Variants in ITPR3 observed in about 807,000 individuals in gnomAD.
ITPR3 encodes the protein inositol 1,4,5-trisphosphate-gated calcium channel ITPR3.
ITPR3 carries 173 observed loss-of-function variants against 293.2 expected under a neutral mutation model. That is an observed-to-expected ratio of 0.59 (90% CI 0.52 to 0.67). ITPR3 has a LOEUF of 0.67. Among genes scored for constraint, ITPR3 ranks in the 30% least tolerant of loss-of-function variants. The pLI, the probability that ITPR3 is intolerant of heterozygous loss-of-function variation, is 0.00. For missense variants in ITPR3, 2,796 were observed against 3,592.1 expected (o/e 0.78, Z 5.66); for synonymous variants, 1,295 against 1,444.4 (o/e 0.90, Z 2.35).
intron 8 of ITPR3, 66 bp downstream of exon 8, chr6:33,662,740 C>A: frequency 6.3e-7 from 1 of 1,584,386 alleles, no homozygotes; most frequent in Non-Finnish European, 8.6e-7. Context: ...CTCTTCCCCA[C>A]CATCCTGGAG....
intron 16 of ITPR3, 43 bp from the exon 17 acceptor site, chr6:33,668,472 G>A (rs1389590251): frequency 1.9e-6 from 3 of 1,613,280 alleles, no homozygotes; most frequent in African/African-American, 1.3e-5. Context: ...AGAGGGACCA[G>A]CCTCTGAGAC....
At chr6:33,678,579 G>T in intron 29 of ITPR3, 36 bp downstream of exon 29, 1 of 1,559,950 alleles carries the variant, frequency 6.4e-7, no homozygotes, top group East Asian at 2.4e-5. Context: ...TGGACGAGGC[G>T]GGGGATGGGG....
chr6:33,665,016 T>TGACCCC, intron 12 of ITPR3, 37 bp from the exon 13 acceptor site: 3 of 1,613,552 alleles, frequency 1.9e-6, no homozygotes, highest in Non-Finnish European at 2.5e-6. Flanking sequence ...GGGCCGGAGC[T>TGACCCC]TGTTCCCAGG....
intron 6 of ITPR3, 72 bp downstream of exon 6, chr6:33,659,191 C>A: frequency 7.2e-7 from 1 of 1,387,318 alleles, no homozygotes; most frequent in South Asian, 1.2e-5. Flanking sequence ...ACACCCCGCT[C>A]CCTGCCATGG....
At chr6:33,653,480 G>A (rs746592224) in intron 2 of ITPR3, among the ~76,000 whole-genome samples, 2 of 152,062 alleles carry the variant, frequency 1.3e-5, no homozygotes, top group Admixed American at 6.5e-5. Context: ...CATGAGTGAT[G>A]TATTTTCTGA....
Position 33,692,046 on chromosome 6 carries a change from CG to C in ITPR3, c.7458+119del. 7.3e-7 allele frequency: 1 copy of C among 1,361,174 alleles called. No homozygotes were observed. Among genetic ancestry groups the C allele is most frequent in the East Asian group, 2.3e-5 (1 of 43,208 alleles). 84.3% of individuals were successfully genotyped at this position (1,361,174 alleles called of 1,614,324 possible). On this transcript the variant is annotated intron_variant, in intron 54 of 57. Transcript: ENST00000605930. The surrounding 1 kb of genome is among the most constrained non-coding windows in gnomAD (Gnocchi z 4.2). ...ATATTCAGGGTTGAACCCCCTCCCC[CG>C]AACTTGTATCCACTTTTCCCTGCTT... is the stretch of plus-strand genomic sequence containing the variant.
chr6:33,678,807 G>A lies in ITPR3; in HGVS notation c.3940G>A (p.Val1314Ile), dbSNP rs139994078. 2.8e-5 allele frequency: 45 copies of A among 1,613,292 alleles called. No individual in the cohort carries two copies. In the Admixed American group the frequency reaches 5.8e-4, roughly 21 times the overall value. ...HTVIKAEGKY[V>I]KKCQDMIMTE... ...CGTCATTAAGGCCGAGGGCAAGTACGTCAAGAAGTGCCAGGACATGATCAT... is the reference window on the plus strand; with the variant it reads ...CGTCATTAAGGCCGAGGGCAAGTACATCAAGAAGTGCCAGGACATGATCAT... The change falls in exon 30 of 58, where the codon GTC becomes ATC. Residue 1314 changes from valine (V) to isoleucine (I), a missense_variant. This residue lies in a region of ITPR3 where 344 missense variants were observed against 460.3 expected (regional missense o/e 0.75). Coordinates refer to ENST00000605930, the MANE Select transcript of ITPR3 (RefSeq NM_002224.4).
At position 33,633,805 on chromosome 6, in the gene ITPR3, A is replaced by G. The variant is rs1418965712; in HGVS notation, c.90-6679A>G. Among the ~76,000 whole-genome samples the G allele has an allele frequency of 1.3e-5, 1 of 74,940 alleles. No individual in the cohort carries two copies. The highest frequency in any genetic ancestry group is 2.8e-5 in the Non-Finnish European group (1 of 35,144). 49.2% of individuals were successfully genotyped at this position (74,940 alleles called of 152,430 possible). A position where few individuals can be genotyped will look rare whatever the true frequency, so the allele number is the denominator to read the frequency against. ...ACGCCCGGAGCTCGCGGGCCGGGCC[A>G]GGCTGGGGGCGGGGCGGGCGCGGGG... On this transcript the variant is annotated intron_variant, in intron 1 of 57. Transcript: ENST00000605930. This position sits in a 1 kb window ranked among gnomAD's most constrained non-coding sequence, Gnocchi z 5.2.
intron 1 of ITPR3, among the ~76,000 whole-genome samples, chr6:33,626,069 G>A (rs1429449933): frequency 1.3e-5 from 2 of 152,152 alleles, no homozygotes; most frequent in African/African-American, 4.8e-5. Flanking sequence ...CGAGTAGCTG[G>A]GACTACAGGC....
In ITPR3 at chr6:33,688,158, C is replaced by G; in HGVS notation, c.6366C>G (p.Ser2122=). The G allele has an allele frequency of 1.2e-6, 2 of 1,614,114 alleles. No homozygotes were observed. Among genetic ancestry groups the G allele is most frequent in the Non-Finnish European group, 1.7e-6 (2 of 1,179,994 alleles). Residue 2122 remains serine (S), a synonymous_variant, in exon 47 of 58, where the codon TCC becomes TCG. Coordinates refer to ENST00000605930, the MANE Select transcript of ITPR3 (RefSeq NM_002224.4). ...TGGCCTACTATGAGAACCACACGTC[C>G]CAGATCGAGGTGGGCCTGTGGGCAG... ...DPLAYYENHT[S]QIEIVRQDRS...
chr6:33,695,236 C>T (rs1765510510), intron 57 of ITPR3, 151 bp downstream of exon 57: 1 of 804,758 alleles, frequency 1.2e-6, no homozygotes, highest in Non-Finnish European at 1.9e-6. Context: ...CTCTCCCCTG[C>T]ATGGCAAGTC....
chr6:33,680,142 C>T lies in ITPR3; in HGVS notation c.4224+9C>T, dbSNP rs779447136. On this transcript the variant is annotated intron_variant, in intron 31 of 57. Transcript: ENST00000605930. Reference sequence around the variant, plus strand: ...AGGACTGCATCACTGAGGTGGGGATCGGGAGACTGGGCAAGACGGCTGGAG... The same window carrying T: ...AGGACTGCATCACTGAGGTGGGGATTGGGAGACTGGGCAAGACGGCTGGAG... 16 of 1,609,332 alleles carry T rather than the reference C, an allele frequency of 9.9e-6. 1 individual carries two copies. Among genetic ancestry groups the T allele is most frequent in the Middle Eastern group, 1.7e-4 (1 of 5,996 alleles).
intron 25 of ITPR3, among the ~76,000 whole-genome samples, 171 bp downstream of exon 25, chr6:33,676,027 A>T (rs950126760): frequency 6.6e-6 from 1 of 152,256 alleles, no homozygotes; most frequent in African/African-American, 2.4e-5. Context: ...GGCCTGGCTC[A>T]GTGCCTGCCA....
At position 33,685,426 on chromosome 6, in the gene ITPR3, G is replaced by A. The variant is rs778950448; in HGVS notation, c.5375G>A (p.Arg1792His). ...CGCTTCTTCAAGGTGCTGCACGACC[G>A]CATGAAGCGGGCCCAGCAGGAGACC... ...SERFFKVLHD[R>H]MKRAQQETKS... The change falls in exon 40 of 58, where the codon CGC (arginine) becomes CAC (histidine). Residue 1792 changes from arginine to histidine, a missense_variant. Coordinates refer to ENST00000605930, the MANE Select transcript of ITPR3 (RefSeq NM_002224.4). 6.2e-6 allele frequency: 10 copies of A among 1,613,968 alleles called. No homozygotes were observed. Among genetic ancestry groups the A allele is most frequent in the African/African-American group, 1.3e-5 (1 of 74,942 alleles).
Position 33,686,105 on chromosome 6 carries a change from C to T in ITPR3, c.5720C>T (p.Thr1907Met), listed in dbSNP as rs1277690994. ...NKTNYNLVCE[T>M]LQFLDIMCGS... ...ACCAACTACAACTTGGTATGCGAGA[C>T]GCTGCAGTTCCTGGACATCATGTGC... The change falls in exon 42 of 58, where the codon ACG becomes ATG. Residue 1907 changes from threonine (T) to methionine (M), a missense_variant. Physicochemically the swap from Thr to Met is moderately conservative, Grantham distance 81. Coordinates refer to ENST00000605930, the MANE Select transcript of ITPR3 (RefSeq NM_002224.4). 13 of 1,614,084 alleles carry T rather than the reference C, an allele frequency of 8.1e-6. No individual in the cohort carries two copies. The highest frequency in any genetic ancestry group is 1.1e-5 in the South Asian group (1 of 91,094).
Position 33,667,082 on chromosome 6 carries a change from A to G in ITPR3, c.1552-47A>G. On this transcript the variant is annotated intron_variant, in intron 14 of 57. Transcript: ENST00000605930. This position sits in a 1 kb window ranked among gnomAD's most constrained non-coding sequence, Gnocchi z 4.4. ...ATGACTCCTGGGATGACTTAGGGGT[A>G]CAGACAGGTGTTGGGGAATCAGTCC... is the stretch of plus-strand genomic sequence containing the variant. 6.3e-7 allele frequency: 1 copy of G among 1,597,046 alleles called. No individual in the cohort carries two copies. Among genetic ancestry groups the G allele is most frequent in the East Asian group, 2.2e-5 (1 of 44,690 alleles).
At position 33,687,342 on chromosome 6, in the gene ITPR3, C is replaced by A; in HGVS notation, c.6177+15C>A. ...TGGCGCTGCAGGTACCAGTTCCACCCGTGGCAACGGCCATCACCCCCCTGG... is the reference window on the plus strand; with the variant it reads ...TGGCGCTGCAGGTACCAGTTCCACCAGTGGCAACGGCCATCACCCCCCTGG... On this transcript the variant is annotated intron_variant, in intron 45 of 57. Coordinates refer to ENST00000605930, the MANE Select transcript of ITPR3 (RefSeq NM_002224.4). The surrounding 1 kb of genome is among the most constrained non-coding windows in gnomAD (Gnocchi z 5.3). The A allele has an allele frequency of 6.3e-7, 1 of 1,584,036 alleles. No individual in the cohort carries two copies. The highest frequency in any genetic ancestry group is 1.1e-5 in the South Asian group (1 of 89,690).
Position 33,655,633 on chromosome 6 carries a change from C to T in ITPR3, c.161-133C>T, listed in dbSNP as rs968698670. The T allele has an allele frequency of 8.3e-7, 1 of 1,198,390 alleles. No individual in the cohort carries two copies. The allele number at this position is 1,198,390 out of a possible 1,614,324, so 74.2% of individuals were successfully genotyped here. A position where few individuals can be genotyped will look rare whatever the true frequency, so the allele number is the denominator to read the frequency against. ...TTCTGTGAGGTTCTTCCAACCGCTTCCTCTCTACCTGCAGCGGGGAACGGG... is the reference window on the plus strand; with the variant it reads ...TTCTGTGAGGTTCTTCCAACCGCTTTCTCTCTACCTGCAGCGGGGAACGGG... On this transcript the variant is annotated intron_variant, in intron 2 of 57. Transcript: ENST00000605930. The surrounding 1 kb of genome is among the most constrained non-coding windows in gnomAD (Gnocchi z 4.9).
Position 33,672,997 on chromosome 6 carries a change from C to T in ITPR3, c.2929-594C>T, listed in dbSNP as rs1764809347. Among the ~76,000 whole-genome samples, 2 of 152,128 alleles carry T rather than the reference C, an allele frequency of 1.3e-5. No homozygotes were observed. The highest frequency in any genetic ancestry group is 6.5e-5 in the Admixed American group (1 of 15,274). On this transcript the variant is annotated intron_variant, in intron 22 of 57. Coordinates refer to ENST00000605930, the MANE Select transcript of ITPR3 (RefSeq NM_002224.4). The surrounding 1 kb of genome is among the most constrained non-coding windows in gnomAD (Gnocchi z 5.0). ...AGTGACCTCCGTGGGGGACCTCTGG[C>T]GGTCAGAGTGGAGGGAGCTTCTGAC...
Sources: gnomAD v4.1 joint callset for allele counts (sites outside exome capture counted in the v4.1 genomes callset) on GRCh38, gnomAD v4.1.1 for gene constraint, gnomAD v4.1.1 regional missense constraint, Gnocchi (gnomAD v3.1) non-coding constraint, MANE v1.5 for transcripts, NCBI Gene and HGNC (gene_info 2026-07-23, HGNC 2026-07-21) for gene names.